Variants in TGM1 observed in about 807,000 individuals in gnomAD.
TGM1 encodes transglutaminase 1.
A neutral mutation model predicts 88.7 loss-of-function variants in TGM1; 63 were observed. That is an observed-to-expected ratio of 0.71 (90% CI 0.58 to 0.88). TGM1 has a LOEUF of 0.88. TGM1 is among the 40% of genes least tolerant of loss of function. The pLI is 0.00. For synonymous variants in TGM1, 415 were observed against 431.1 expected (o/e 0.96, Z 0.46); for missense variants, 996 against 1,118.0 (o/e 0.89, Z 1.56).
intron 13 of TGM1, 150 bp downstream of exon 13, chr14:24,254,514 G>T: frequency 7.7e-7 from 1 of 1,306,342 alleles, no homozygotes. Flanking sequence ...CTACAGATGA[G>T]GAAACTGAGG....
chr14:24,259,101 C>G lies in TGM1; in HGVS notation c.1133G>C (p.Trp378Ser). Residue 378 changes from tryptophan (W) to serine (S), a missense_variant, in exon 7 of 15, where the codon TGG (tryptophan) becomes TCG (serine). Physicochemically the swap from Trp to Ser is radical, Grantham distance 177. Transcript: ENST00000206765. This position sits in a 1 kb window ranked among gnomAD's most constrained non-coding sequence, Gnocchi z 5.7. ...TGYSVPYGQC[W>S]VFAGVTTTVL... ...TGTGGTGGTCACGCCAGCAAAGACC[C>G]AGCACTGGCCATAGGGGACGGAATA... 2 of 1,614,118 alleles carry G rather than the reference C, an allele frequency of 1.2e-6. No homozygotes were observed. The highest frequency in any genetic ancestry group is 1.7e-6 in the Non-Finnish European group (2 of 1,180,014).
chr14:24,254,091 C>T, intron 14 of TGM1, 61 bp downstream of exon 14: 1 of 1,570,366 alleles, frequency 6.4e-7, no homozygotes, highest in Non-Finnish European at 8.6e-7. Context: ...AGCTGGGAGC[C>T]AGGGCAGCCT....
intron 4 of TGM1, 65 bp downstream of exon 4, chr14:24,260,385 G>T: frequency 1.2e-6 from 2 of 1,608,322 alleles, no homozygotes; most frequent in South Asian, 2.2e-5. Flanking sequence ...CCACATCCGA[G>T]GGCAGGAAGC....
chr14:24,257,517 T>C (rs1179234365), intron 9 of TGM1, among the ~76,000 whole-genome samples: 3 of 152,254 alleles, frequency 2.0e-5, no homozygotes, highest in Admixed American at 2.0e-4. Context: ...TTTTCTATGC[T>C]GTATATATAA....
At chr14:24,256,373 C>A (rs990484901) in intron 9 of TGM1, among the ~76,000 whole-genome samples, 2 of 152,226 alleles carry the variant, frequency 1.3e-5, no homozygotes, top group Admixed American at 1.3e-4. Context: ...ATGTGCGGAC[C>A]AGCCTGCCTG....
rs1344346922 is a variant in TGM1, at chr14:24,253,718, G to C, written c.2225+434C>G. Among the ~76,000 whole-genome samples, 3 of 152,352 alleles carry C rather than the reference G, an allele frequency of 2.0e-5. No homozygotes were observed. In the East Asian group the frequency reaches 5.8e-4, roughly 29 times the overall value. On this transcript the variant is annotated intron_variant, in intron 14 of 14. Transcript: ENST00000206765. Reference sequence around the variant, plus strand: ...GCTGGTCTCCAACTCCTGGGCTCAAGTGATCCACTCACCTTGGCCTGCCAA... The same window carrying C: ...GCTGGTCTCCAACTCCTGGGCTCAACTGATCCACTCACCTTGGCCTGCCAA...
Position 24,260,550 on chromosome 14 carries a change from C to A in TGM1, c.657G>T (p.Lys219Asn), listed in dbSNP as rs1448013839. ...VHTSPNAIIG[K>N]FQFTVRTQSD... ...ATTGTGTGCGGACTGTGAACTGAAA[C>A]TTGCCGATGATGGCGTTGGGGGAAG... is the stretch of plus-strand genomic sequence containing the variant. The change falls in exon 4 of 15, where the codon AAG becomes AAT. Residue 219 changes from lysine to asparagine, a missense_variant. Physicochemically the swap from Lys to Asn is moderately conservative, Grantham distance 94. Coordinates refer to ENST00000206765, the MANE Select transcript of TGM1 (RefSeq NM_000359.3). 1 of 1,614,238 alleles carries A rather than the reference C, an allele frequency of 6.2e-7. No individual in the cohort carries two copies. Among genetic ancestry groups the A allele is most frequent in the African/African-American group, 1.3e-5 (1 of 75,060 alleles).
rs760139170 is a variant in TGM1, at chr14:24,260,645, C to T, written c.562G>A (p.Gly188Arg). ...GTHVIIPVGK[G>R]GSGGWKAQVV... is the part of the protein sequence containing the mutation. ...TGGGCTTTCCAGCCTCCACTGCCCC[C>T]CTTGCCCACTGGGATGATCACGTGC... The change falls in exon 4 of 15, where the codon GGG becomes AGG. Residue 188 changes from glycine (G) to arginine (R), a missense_variant. Gly to Arg is a moderately radical substitution (Grantham distance 125). Coordinates refer to ENST00000206765, the MANE Select transcript of TGM1 (RefSeq NM_000359.3). 9 of 1,614,068 alleles carry T rather than the reference C, an allele frequency of 5.6e-6. No individual in the cohort carries two copies. The highest frequency in any genetic ancestry group is 1.3e-5 in the African/African-American group (1 of 74,938).
chr14:24,258,327 C>A lies in TGM1; in HGVS notation c.1360G>T (p.Gly454Trp). The change falls in exon 9 of 15, where the codon GGG (glycine) becomes TGG (tryptophan). Residue 454 changes from glycine (G) to tryptophan (W), a missense_variant. Physicochemically the swap from Gly to Trp is radical, Grantham distance 184 (BLOSUM62 -2). Coordinates refer to ENST00000206765, the MANE Select transcript of TGM1 (RefSeq NM_000359.3). The stretch of plus-strand genomic sequence containing the variant: ...GGTGTGGCATCCACCACCTGCCACC[C>A]ATCAAAGCCCGAGGGCAGATCCGGC... Reference protein sequence around the residue: ...KRPDLPSGFDGWQVVDATPQE... With the variant: ...KRPDLPSGFDWWQVVDATPQE... The A allele has an allele frequency of 6.2e-7, 1 of 1,614,102 alleles. No individual in the cohort carries two copies. Among genetic ancestry groups the A allele is most frequent in the Non-Finnish European group, 8.5e-7 (1 of 1,180,036 alleles).
At chr14:24,261,360 T>C (rs973151991) in intron 3 of TGM1, among the ~76,000 whole-genome samples, 2 of 150,478 alleles carry the variant, frequency 1.3e-5, no homozygotes, top group East Asian at 2.0e-4. Context: ...GAGAGAGAGA[T>C]AGAAGAGAGA....
intron 9 of TGM1, among the ~76,000 whole-genome samples, chr14:24,256,284 G>T (rs1399179190): frequency 6.6e-6 from 1 of 152,240 alleles, no homozygotes; most frequent in Non-Finnish European, 1.5e-5. Context: ...GGAAAACAAA[G>T]AGAGAGCGGC....
At chr14:24,258,422 C>T (rs1469949832) in intron 8 of TGM1, 34 bp from the exon 9 acceptor site, 2 of 1,612,420 alleles carry the variant, frequency 1.2e-6, no homozygotes, top group Non-Finnish European at 8.5e-7. Flanking sequence ...TGGGTCTGAG[C>T]CCCAGGGTCA....
chr14:24,261,781 A>G lies in TGM1; in HGVS notation c.422T>C (p.Val141Ala), dbSNP rs769342810. The part of the protein sequence containing the change: ...TDEYEYDELI[V>A]RRGQPFHMLL... ...CATATGGAAAGGCTGCCCGCGGCGC[A>G]CTATCAGCTCGTCGTACTCATACTC... Residue 141 changes from valine to alanine, a missense_variant, in exon 3 of 15, where the codon GTG (valine) becomes GCG (alanine). Coordinates refer to ENST00000206765, the MANE Select transcript of TGM1 (RefSeq NM_000359.3). The G allele has an allele frequency of 6.2e-7, 1 of 1,613,948 alleles. No homozygotes were observed. Among genetic ancestry groups the G allele is most frequent in the Non-Finnish European group, 8.5e-7 (1 of 1,180,016 alleles).
chr14:24,258,373 C>T lies in TGM1; in HGVS notation c.1314G>A (p.Trp438Ter). The T allele has an allele frequency of 6.2e-7, 1 of 1,614,154 alleles. No individual in the cohort carries two copies. The highest frequency in any genetic ancestry group is 8.5e-7 in the Non-Finnish European group (1 of 1,180,024). ...CCGGCCTCTTCATCCAGCAGTCGTTCCACACATGGAAGTTCCTGGATGGAC... is the reference window on the plus strand; with the variant it reads ...CCGGCCTCTTCATCCAGCAGTCGTTTCACACATGGAAGTTCCTGGATGGAC... ...NHDSVWNFHV[W>*]NDCWMKRPDL... Residue 438 changes from tryptophan (W) to a stop codon, truncating the protein, a stop_gained, in exon 9 of 15, where the codon TGG (tryptophan) becomes TGA (stop). Coordinates refer to ENST00000206765, the MANE Select transcript of TGM1 (RefSeq NM_000359.3). LOFTEE classifies it high-confidence loss of function.
rs761557071 is a variant in TGM1 at position 24,255,399 on chromosome 14, C to T, written c.1610G>A (p.Arg537Gln). 47 of 1,614,024 alleles carry T rather than the reference C, an allele frequency of 2.9e-5. No individual in the cohort carries two copies. The highest frequency in any genetic ancestry group is 3.6e-5 in the Non-Finnish European group (43 of 1,180,028). ...CTTATAGAGGTAGGTGATGTCCTCC[C>T]GCATGTTGGAGCTGATGGCCTTTGT... is the stretch of plus-strand genomic sequence containing the variant. ...IVTKAISSNMREDITYLYKHP... is the reference protein window; with the variant it reads ...IVTKAISSNMQEDITYLYKHP... Residue 537 changes from arginine (R) to glutamine (Q), a missense_variant, in exon 11 of 15, where the codon CGG (arginine) becomes CAG (glutamine). Transcript: ENST00000206765. The surrounding 1 kb of genome is among the most constrained non-coding windows in gnomAD (Gnocchi z 4.0).
In TGM1 at chr14:24,259,449, A is replaced by G. The variant is rs902283291; in HGVS notation, c.985-200T>C. On this transcript the variant is annotated intron_variant, in intron 6 of 14. Transcript: ENST00000206765. This position sits in a 1 kb window ranked among gnomAD's most constrained non-coding sequence, Gnocchi z 5.7. ...CTCCCACCCGGGCTCTGACACAGGAATGTGAATCCTGGGTGTGCCAAGTTT... is the reference window on the plus strand; with the variant it reads ...CTCCCACCCGGGCTCTGACACAGGAGTGTGAATCCTGGGTGTGCCAAGTTT... Among the ~76,000 whole-genome samples, 3 of 152,160 alleles carry G rather than the reference A, an allele frequency of 2.0e-5. No homozygotes were observed. The highest frequency in any genetic ancestry group is 6.5e-5 in the Admixed American group (1 of 15,278).
At chr14:24,250,192 G>C (rs939278451) in intron 14 of TGM1, among the ~76,000 whole-genome samples, 8 of 150,926 alleles carry the variant, frequency 5.3e-5, no homozygotes, top group Non-Finnish European at 1.0e-4. Flanking sequence ...GAGAGACAGA[G>C]AGGTGGGTGG....
chr14:24,257,877 T>C (rs1231680247), intron 9 of TGM1, among the ~76,000 whole-genome samples: 2 of 151,830 alleles, frequency 1.3e-5, no homozygotes, highest in Admixed American at 6.6e-5. Flanking sequence ...AATTCTATAC[T>C]TTTTTTTTCC....
chr14:24,258,736 G>C (rs1594570742), intron 7 of TGM1, 63 bp from the exon 8 acceptor site: 2 of 1,602,322 alleles, frequency 1.2e-6, no homozygotes, highest in African/African-American at 2.7e-5. Context: ...CATCGTGTCA[G>C]GAGTATCAGG....
Sources: gnomAD v4.1 joint callset for allele counts (sites outside exome capture counted in the v4.1 genomes callset) on GRCh38, gnomAD v4.1.1 for gene constraint, Gnocchi (gnomAD v3.1) non-coding constraint, MANE v1.5 for transcripts, NCBI Gene and HGNC (gene_info 2026-07-23, HGNC 2026-07-21) for gene names.